The following PRKCB variants were observed in gnomAD, a reference collection of about 807,000 sequenced individuals.
PRKCB encodes protein kinase C beta type.
In PRKCB, 13 loss-of-function variants were observed where a neutral mutation model predicts 81.5. The observed-to-expected ratio is 0.16, with a 90% CI of 0.10 to 0.25. The LOEUF (loss-of-function observed/expected upper bound fraction) is 0.25. PRKCB is among the 10% of genes least tolerant of loss of function. The pLI, the probability that PRKCB is intolerant of heterozygous loss-of-function variation, is 1.00. For synonymous variants in PRKCB, 335 were observed against 321.4 expected (o/e 1.04, Z -0.45); for missense variants, 509 against 875.7 (o/e 0.58, Z 5.29).
intron 5 of PRKCB, among the ~76,000 whole-genome samples, chr16:24,043,951 G>T (rs973029658): frequency 6.6e-6 from 1 of 152,166 alleles, no homozygotes; most frequent in Non-Finnish European, 1.5e-5. Context: ...AGCGTGCAAA[G>T]AAATAAAATC....
At chr16:24,134,753 GA>G (rs112032959) in intron 9 of PRKCB, among the ~76,000 whole-genome samples, 73 of 143,694 alleles carry the variant, frequency 5.1e-4, no homozygotes, top group South Asian at 4.4e-4. Context: ...CGTCTCAAAG[GA>G]AAAAAAAAAA....
intron 16 of PRKCB, chr16:24,191,598 G>C (rs1967794981): frequency 6.0e-6 from 1 of 166,378 alleles, no homozygotes; most frequent in Admixed American, 6.3e-5. Context: ...TGGTTCAACT[G>C]TGTCATTTTT....
chr16:24,039,723 C>G (rs1176939136), intron 5 of PRKCB, among the ~76,000 whole-genome samples: 1 of 152,178 alleles, frequency 6.6e-6, no homozygotes, highest in Non-Finnish European at 1.5e-5. Context: ...CATTAACAGC[C>G]ATCATACACA....
chr16:24,084,839 A>G (rs1476719154), intron 5 of PRKCB, among the ~76,000 whole-genome samples: 1 of 152,140 alleles, frequency 6.6e-6, no homozygotes, highest in Non-Finnish European at 1.5e-5. Context: ...AACTAGGGAC[A>G]CCCAATAGGT....
chr16:23,836,711 C>T (rs981588414), intron 1 of PRKCB, among the ~76,000 whole-genome samples: 69 of 151,878 alleles, frequency 4.5e-4, no homozygotes, highest in Admixed American at 2.3e-3. Context: ...CCCGGGGTTC[C>T]CTATCTCTCC....
chr16:24,148,650 A>G (rs1371309710), intron 9 of PRKCB, among the ~76,000 whole-genome samples: 1 of 152,208 alleles, frequency 6.6e-6, no homozygotes, highest in Non-Finnish European at 1.5e-5. Flanking sequence ...ACCACTGCTG[A>G]CCAAGCTGGG....
intron 16 of PRKCB, among the ~76,000 whole-genome samples, chr16:24,211,928 C>T (rs1248905249): frequency 6.6e-6 from 1 of 152,136 alleles, no homozygotes; most frequent in Non-Finnish European, 1.5e-5. Flanking sequence ...AAGTCCCTTG[C>T]ATGCACAGCA....
intron 11 of PRKCB, among the ~76,000 whole-genome samples, chr16:24,173,956 C>A (rs1465402243): frequency 6.6e-6 from 1 of 151,982 alleles, no homozygotes; most frequent in African/African-American, 2.4e-5. Flanking sequence ...CAGATGTTAG[C>A]TGCTATTGTT....
Position 24,020,401 on chromosome 16 carries a change from A to G in PRKCB, c.289-11735A>G, listed in dbSNP as rs1596514783. Among the ~76,000 whole-genome samples the G allele has an allele frequency of 4.6e-5, 7 of 152,354 alleles. 1 individual carries two copies. The highest frequency in any genetic ancestry group is 4.6e-4 in the Admixed American group (7 of 15,308). On this transcript the variant is annotated intron_variant, in intron 3 of 16. Transcript: ENST00000643927. Reference sequence around the variant, plus strand: ...ACTTTCAATGGTAAAATCCACAATGACTTTTGCACCTACCTAATACTGTTA... The same window carrying G: ...ACTTTCAATGGTAAAATCCACAATGGCTTTTGCACCTACCTAATACTGTTA...
chr16:23,979,184 T>C (rs900894405), intron 2 of PRKCB, among the ~76,000 whole-genome samples: 1 of 152,136 alleles, frequency 6.6e-6, no homozygotes, highest in Admixed American at 6.5e-5. Context: ...TTTTATAGAC[T>C]AGAAAATGAG....
At chr16:23,840,580 C>A (rs1190161907) in intron 2 of PRKCB, among the ~76,000 whole-genome samples, 2 of 152,158 alleles carry the variant, frequency 1.3e-5, no homozygotes, top group African/African-American at 4.8e-5. Context: ...TTATTTCAGG[C>A]AGCCACTATT....
intron 2 of PRKCB, among the ~76,000 whole-genome samples, chr16:23,939,405 G>A (rs1964108148): frequency 6.6e-6 from 1 of 152,072 alleles, no homozygotes; most frequent in Admixed American, 6.6e-5. Flanking sequence ...ATATGAGAAG[G>A]CAAAGGAACT....
chr16:24,123,906 C>A lies in PRKCB; in HGVS notation c.990C>A (p.Asn330Lys), dbSNP rs778877195. ...CCAACACTGTCTCCAAATTTGACAA[C>A]AATGGCAACAGAGACCGGATGAAAC... ...KTTNTVSKFD[N>K]NGNRDRMKLT... Residue 330 changes from asparagine to lysine, a missense_variant, in exon 9 of 17, where the codon AAC becomes AAA. Transcript: ENST00000643927. 1 of 1,614,056 alleles carries A rather than the reference C, an allele frequency of 6.2e-7. No individual in the cohort carries two copies. The highest frequency in any genetic ancestry group is 1.3e-5 in the African/African-American group (1 of 74,928).
At chr16:23,935,450 G>A (rs1964045400) in intron 2 of PRKCB, among the ~76,000 whole-genome samples, 1 of 152,004 alleles carries the variant, frequency 6.6e-6, no homozygotes, top group Non-Finnish European at 1.5e-5. Flanking sequence ...CTCACTAATG[G>A]GCATGCTTTG....
chr16:24,168,750 A>G (rs550200069), intron 10 of PRKCB, among the ~76,000 whole-genome samples: 1 of 132,408 alleles, frequency 7.6e-6, no homozygotes, highest in East Asian at 2.2e-4. Flanking sequence ...GTAGAGGCAG[A>G]GTCTTGCTAT....
At chr16:23,840,939 A>G (rs1457783033) in intron 2 of PRKCB, among the ~76,000 whole-genome samples, 1 of 152,170 alleles carries the variant, frequency 6.6e-6, no homozygotes, top group Non-Finnish European at 1.5e-5. Context: ...TCTGGGAGGT[A>G]ATTTAAGAAT....
chr16:24,035,498 C>A lies in PRKCB; in HGVS notation c.480C>A (p.Gly160=). ...GCACGGACCACACGGAGCGCCGCGGCCGCATCTACATCCAGGCCCACATCG... is the reference window on the plus strand; with the variant it reads ...GCACGGACCACACGGAGCGCCGCGGACGCATCTACATCCAGGCCCACATCG... ...LCGTDHTERR[G]RIYIQAHIDR... is the part of the protein sequence containing the mutation. The change falls in exon 5 of 17, where the codon GGC becomes GGA. Residue 160 remains glycine, a synonymous_variant. Transcript: ENST00000643927. 6.2e-7 allele frequency: 1 copy of A among 1,614,208 alleles called. No homozygotes were observed. Among genetic ancestry groups the A allele is most frequent in the African/African-American group, 1.3e-5 (1 of 75,066 alleles).
chr16:24,095,790 G>A (rs1173460829), intron 7 of PRKCB, among the ~76,000 whole-genome samples: 1 of 152,116 alleles, frequency 6.6e-6, no homozygotes. Context: ...AAAAAAACCT[G>A]AAGAGACATC....
intron 2 of PRKCB, among the ~76,000 whole-genome samples, chr16:23,845,755 T>C (rs747322512): frequency 6.6e-6 from 1 of 152,238 alleles, no homozygotes; most frequent in Non-Finnish European, 1.5e-5. Flanking sequence ...TTGAGATGGC[T>C]TCTTTCCCAG....
Sources: gnomAD v4.1 joint callset for allele counts (sites outside exome capture counted in the v4.1 genomes callset) on GRCh38, gnomAD v4.1.1 for gene constraint, MANE v1.5 for transcripts, NCBI Gene and HGNC (gene_info 2026-07-23, HGNC 2026-07-21) for gene names.